MECOM: variants seen among roughly 807,000 people sequenced by gnomAD.
MECOM encodes the protein MDS1 and EVI1 complex locus.
Under a neutral mutation model 116.3 loss-of-function variants are expected in MECOM, and 13 were observed. The ratio of observed to expected loss-of-function variants is 0.11; its 90% confidence interval spans 0.07 to 0.18. MECOM has a LOEUF of 0.18. MECOM is among the 10% of genes least tolerant of loss of function. MECOM has a pLI of 1.00. For synonymous variants in MECOM, 528 were observed against 535.2 expected (o/e 0.99, Z 0.19); for missense variants, 1,299 against 1,509.0 (o/e 0.86, Z 2.31).
At chr3:169,371,681 C>T (rs1730163865) in intron 2 of MECOM, among the ~76,000 whole-genome samples, 1 of 151,640 alleles carries the variant, frequency 6.6e-6, no homozygotes, top group African/African-American at 2.4e-5. Flanking sequence ...CTCAATAAAG[C>T]CAAAAAATAA....
intron 2 of MECOM, among the ~76,000 whole-genome samples, chr3:169,238,575 C>T (rs999143037): frequency 4.6e-5 from 7 of 152,142 alleles, no homozygotes; most frequent in African/African-American, 1.2e-4. Flanking sequence ...CACGAACAAA[C>T]CATTGAATAA....
At chr3:169,544,770 A>G (rs1013021966) in intron 1 of MECOM, among the ~76,000 whole-genome samples, 1 of 152,196 alleles carries the variant, frequency 6.6e-6, no homozygotes, top group African/African-American at 2.4e-5. Flanking sequence ...TAACACAGGA[A>G]CAGAAAACCA....
intron 3 of MECOM, 95 bp from the exon 4 acceptor site, chr3:169,131,626 A>T: frequency 1.1e-6 from 1 of 883,670 alleles, no homozygotes. Flanking sequence ...ACCTGTACAA[A>T]CACCTTAACA....
intron 3 of MECOM, chr3:169,133,337 A>C (rs1002438663): frequency 6.6e-6 from 1 of 152,210 alleles, no homozygotes; most frequent in Non-Finnish European, 1.5e-5. Context: ...AAAGATGAGA[A>C]CTTTGTACGT....
rs915245123 is a variant in MECOM, at chr3:169,167,714, A to T, written c.376-23882T>A. On this transcript the variant is annotated intron_variant, in intron 2 of 16. Transcript: ENST00000651503. ...TCTATACTTCTATGAATAGACATGTAACCCTAATATAGAAAAATTGATTGT... is the reference window on the plus strand; with the variant it reads ...TCTATACTTCTATGAATAGACATGTTACCCTAATATAGAAAAATTGATTGT... Among the ~76,000 whole-genome samples, 7 of 152,152 alleles carry T rather than the reference A, an allele frequency of 4.6e-5. No individual in the cohort carries two copies. The South Asian group carries it at 6.2e-4, about 14-fold the overall frequency.
chr3:169,251,073 A>G (rs1441019665), intron 2 of MECOM, among the ~76,000 whole-genome samples: 1 of 152,252 alleles, frequency 6.6e-6, no homozygotes, highest in East Asian at 1.9e-4. Flanking sequence ...ATACAGGATG[A>G]GGCAACAGTT....
In MECOM at chr3:169,148,305, G is replaced by A. The variant is rs1472574463; in HGVS notation, c.376-4473C>T. Among the ~76,000 whole-genome samples, 5 of 152,250 alleles carry A rather than the reference G, an allele frequency of 3.3e-5. No homozygotes were observed. The South Asian group carries it at 8.3e-4, about 25-fold the overall frequency. On this transcript the variant is annotated intron_variant, in intron 2 of 16. Transcript: ENST00000651503. Reference sequence around the variant, plus strand: ...TTGACGACTCAGATTATTTTTGAACGTTTAACATCATAAATGCTGCTTTTA... The same window carrying A: ...TTGACGACTCAGATTATTTTTGAACATTTAACATCATAAATGCTGCTTTTA...
intron 1 of MECOM, among the ~76,000 whole-genome samples, chr3:169,440,975 A>C (rs1743552379): frequency 6.6e-6 from 1 of 152,234 alleles, no homozygotes; most frequent in Non-Finnish European, 1.5e-5. Context: ...CTATCTGCAG[A>C]GCTGACAATA....
intron 1 of MECOM, among the ~76,000 whole-genome samples, chr3:169,418,985 T>C (rs1307823859): frequency 6.6e-6 from 1 of 152,198 alleles, no homozygotes; most frequent in Non-Finnish European, 1.5e-5. Context: ...TGATTGTATA[T>C]TTAGGAAAAC....
intron 1 of MECOM, among the ~76,000 whole-genome samples, chr3:169,410,597 G>A (rs1446861897): frequency 3.9e-5 from 6 of 152,122 alleles, no homozygotes; most frequent in East Asian, 1.9e-4. Context: ...GAAGAAAAGC[G>A]CTAGACAAAT....
chr3:169,479,899 T>G (rs1751034845), intron 1 of MECOM, among the ~76,000 whole-genome samples: 1 of 152,204 alleles, frequency 6.6e-6, no homozygotes, highest in African/African-American at 2.4e-5. Flanking sequence ...CTCACAAAAA[T>G]GTTAAGACAA....
chr3:169,407,776 T>C (rs533711480), intron 1 of MECOM, among the ~76,000 whole-genome samples: 1 of 152,338 alleles, frequency 6.6e-6, no homozygotes, highest in Admixed American at 6.5e-5. Context: ...ATTCCACAGA[T>C]GCACTGACAA....
intron 2 of MECOM, among the ~76,000 whole-genome samples, chr3:169,297,002 G>C (rs895515755): frequency 1.3e-5 from 2 of 152,154 alleles, no homozygotes; most frequent in African/African-American, 4.8e-5. Flanking sequence ...AACAACATCT[G>C]TACAAAACCA....
At chr3:169,294,631 A>G (rs1225897973) in intron 2 of MECOM, among the ~76,000 whole-genome samples, 1 of 152,188 alleles carries the variant, frequency 6.6e-6, no homozygotes, top group African/African-American at 2.4e-5. Flanking sequence ...AATACAGCTC[A>G]AGGCTTATCA....
Position 169,147,694 on chromosome 3 carries a change from A to C in MECOM, c.376-3862T>G, listed in dbSNP as rs186144554. 6.6e-4 allele frequency: 645 copies of C among 984,174 alleles called. 4 individuals are homozygous for C. The African/African-American group carries it at 0.011, about 16-fold the overall frequency. 61.0% of individuals were successfully genotyped at this position (984,174 alleles called of 1,614,324 possible). ...CCCCAGGGAAATAGCCTCCGTTTCGATGTCTTGAAAGCACAAGTGTGGTGT... is the reference window on the plus strand; with the variant it reads ...CCCCAGGGAAATAGCCTCCGTTTCGCTGTCTTGAAAGCACAAGTGTGGTGT... On this transcript the variant is annotated intron_variant, in intron 2 of 16. Coordinates refer to ENST00000651503, the MANE Select transcript of MECOM (RefSeq NM_004991.4).
chr3:169,577,073 G>T (rs960717778), intron 1 of MECOM, among the ~76,000 whole-genome samples: 2 of 152,070 alleles, frequency 1.3e-5, no homozygotes, highest in African/African-American at 4.8e-5. Flanking sequence ...TCCTGGTTTT[G>T]CCACTTCTAA....
At chr3:169,480,174 T>C (rs1473978930) in intron 1 of MECOM, among the ~76,000 whole-genome samples, 1 of 152,188 alleles carries the variant, frequency 6.6e-6, no homozygotes, top group Non-Finnish European at 1.5e-5. Flanking sequence ...TATAATTGTG[T>C]TTTTTCAAGC....
chr3:169,313,159 A>G lies in MECOM; in HGVS notation c.375+68028T>C, dbSNP rs12635730. On this transcript the variant is annotated intron_variant, in intron 2 of 16. Transcript: ENST00000651503. ...AAAGAAAGAAATGAATAACTGAGTC[A>G]AAGTGTAAAAGTAAATAGTATAGAA... Among the ~76,000 whole-genome samples the G allele has an allele frequency of 0.011, 1,699 of 152,360 alleles. 85 individuals carry two copies. The East Asian group carries it at 0.17, about 15-fold the overall frequency.
intron 1 of MECOM, among the ~76,000 whole-genome samples, chr3:169,662,332 G>T (rs896356520): frequency 6.6e-6 from 1 of 152,144 alleles, no homozygotes; most frequent in African/African-American, 2.4e-5. Context: ...GCGGCCCAAC[G>T]CTCTGGCAGC....
Sources: allele counts gnomAD v4.1 joint callset (sites outside exome capture counted in the v4.1 genomes callset), GRCh38; gene constraint gnomAD v4.1.1; transcripts MANE v1.5; gene names NCBI Gene and HGNC (gene_info 2026-07-23, HGNC 2026-07-21).